The following BCAP29 variants were observed in gnomAD, a reference collection of about 807,000 sequenced individuals.
The protein encoded by BCAP29 is B cell receptor associated protein 29, also known as B-cell receptor-associated protein 29.
Under a neutral mutation model 31.8 loss-of-function variants are expected in BCAP29, and 34 were observed. The ratio of observed to expected loss-of-function variants is 1.07; its 90% CI spans 0.81 to 1.42. The LOEUF (loss-of-function observed/expected upper bound fraction) is 1.42. Ranked by LOEUF, BCAP29 falls within the 40% of genes most tolerant of loss-of-function variation. BCAP29 has a pLI of 0.00. For missense variants in BCAP29, 314 were observed against 269.2 expected, an observed-to-expected ratio of 1.17 and a Z score of -1.16; for synonymous variants, 104 against 91.3, an observed-to-expected ratio of 1.14 and a Z score of -0.79.
At chr7:107,589,402 T>C (rs1422230785) in intron 3 of BCAP29, among the ~76,000 whole-genome samples, 3 of 152,158 alleles carry the variant, frequency 2.0e-5, no homozygotes, top group Admixed American at 6.5e-5. Context: ...TGATGGGAGA[T>C]GGTGGCAGAT....
chr7:107,594,807 A>T (rs369735937), intron 4 of BCAP29, among the ~76,000 whole-genome samples: 4 of 151,992 alleles, frequency 2.6e-5, no homozygotes, highest in African/African-American at 9.7e-5. Flanking sequence ...CGGCCTGTAG[A>T]TTTTTTTATA....
intron 2 of BCAP29, among the ~76,000 whole-genome samples, chr7:107,582,390 A>G (rs544987348): frequency 1.0e-3 from 152 of 152,370 alleles, no homozygotes; most frequent in Middle Eastern, 3.4e-3. Flanking sequence ...ATCATTTACA[A>G]TATGTCCTAT....
chr7:107,599,097 TA>T (rs1384486697), intron 5 of BCAP29, among the ~76,000 whole-genome samples: 1 of 133,276 alleles, frequency 7.5e-6, no homozygotes, highest in Non-Finnish European at 1.6e-5. Context: ...TATATGTATA[TA>T]AATATATATT....
chr7:107,602,562 ATT>A (rs199500746), intron 6 of BCAP29, among the ~76,000 whole-genome samples: 2 of 148,338 alleles, frequency 1.3e-5, no homozygotes, highest in Admixed American at 1.3e-4. Context: ...AAAAAAAGCA[ATT>A]TTTTTTTTTA....
downstream of BCAP29, chr7:107,622,190 A>G: frequency 9.6e-6 from 2 of 208,192 alleles, no homozygotes; most frequent in South Asian, 1.5e-4. Flanking sequence ...CTTCTCTCAT[A>G]TACATGCTCT....
At chr7:107,615,167 T>G in intron 7 of BCAP29, 2 of 456,076 alleles carry the variant, frequency 4.4e-6, no homozygotes, top group South Asian at 3.1e-5. Context: ...GTCTCCATTG[T>G]GGTAACAGCC....
At chr7:107,597,801 C>T (rs539027886) in intron 5 of BCAP29, among the ~76,000 whole-genome samples, 185 of 152,316 alleles carry the variant, frequency 1.2e-3, no homozygotes, top group African/African-American at 4.3e-3. Context: ...ACAATTTCCA[C>T]GTGGTACCTA....
Position 107,583,945 on chromosome 7 carries a change from C to T in BCAP29, c.156C>T (p.Phe52=). 1 of 1,583,956 alleles carries T rather than the reference C, an allele frequency of 6.3e-7. No individual in the cohort carries two copies. The highest frequency in any genetic ancestry group is 8.6e-7 in the Non-Finnish European group (1 of 1,163,590). ...TTGCAACTTTTTGGAACAAGGCTTT[C>T]CTTACCATTATCATCCTATTGATTG... The part of the protein sequence containing the change: ...GKIATFWNKA[F]LTIIILLIVL... The change falls in exon 3 of 8, where the codon TTC becomes TTT. Residue 52 remains phenylalanine, a synonymous_variant. Coordinates refer to ENST00000005259, the MANE Select transcript of BCAP29 (RefSeq NM_018844.4).
chr7:107,590,148 A>G (rs983322336), intron 3 of BCAP29, among the ~76,000 whole-genome samples: 1 of 152,220 alleles, frequency 6.6e-6, no homozygotes, highest in African/African-American at 2.4e-5. Flanking sequence ...AGGAAAAATT[A>G]TAGATTTGAA....
chr7:107,597,504 G>A (rs544652136), intron 5 of BCAP29, among the ~76,000 whole-genome samples: 1 of 152,290 alleles, frequency 6.6e-6, no homozygotes, highest in Non-Finnish European at 1.5e-5. Context: ...GGGCCTCAAA[G>A]TTCCTTAGCT....
chr7:107,611,965 C>T (rs1219227664), intron 6 of BCAP29, among the ~76,000 whole-genome samples: 1 of 152,072 alleles, frequency 6.6e-6, no homozygotes, highest in Non-Finnish European at 1.5e-5. Flanking sequence ...ATTGACAACG[C>T]AGATGTAGAA....
chr7:107,583,743 G>A, intron 2 of BCAP29, 139 bp from the exon 3 acceptor site: 1 of 464,114 alleles, frequency 2.2e-6, no homozygotes, highest in Non-Finnish European at 3.8e-6. Flanking sequence ...TGTCATGTCA[G>A]AATTAATAAA....
intron 7 of BCAP29, 179 bp downstream of exon 7, chr7:107,613,611 A>G (rs1813615652): frequency 6.4e-7 from 1 of 1,554,680 alleles, no homozygotes; most frequent in Non-Finnish European, 8.9e-7. Context: ...TTGCAGGAAA[A>G]TACAAGATAA....
intron 6 of BCAP29, 40 bp from the exon 7 acceptor site, chr7:107,613,291 AT>A (rs762238343): frequency 6.8e-7 from 1 of 1,466,952 alleles, no homozygotes; most frequent in South Asian, 1.2e-5. Context: ...TAAATTTGAA[AT>A]TATTCTGAAA....
chr7:107,612,370 C>T, intron 6 of BCAP29, among the ~76,000 whole-genome samples: 1 of 136,786 alleles, frequency 7.3e-6, no homozygotes, highest in South Asian at 2.2e-4. Flanking sequence ...CTCATTAGCA[C>T]CTTCTTCACA....
intron 6 of BCAP29, among the ~76,000 whole-genome samples, chr7:107,610,406 T>G (rs1027659729): frequency 6.6e-6 from 1 of 152,192 alleles, no homozygotes; most frequent in Non-Finnish European, 1.5e-5. Flanking sequence ...CAAAATAATA[T>G]GCCTCAAAAT....
At chr7:107,613,080 T>C (rs577963365) in intron 6 of BCAP29, among the ~76,000 whole-genome samples, 1 of 151,690 alleles carries the variant, frequency 6.6e-6, no homozygotes. Context: ...TTAGATAATA[T>C]TTTGTTTCTG....
intron 6 of BCAP29, among the ~76,000 whole-genome samples, chr7:107,608,693 T>A (rs1251221110): frequency 6.6e-6 from 1 of 152,214 alleles, no homozygotes; most frequent in Non-Finnish European, 1.5e-5. Flanking sequence ...ATCAAAATAT[T>A]TCAAGAATGG....
chr7:107,599,382 T>C (rs1033176388), intron 5 of BCAP29, among the ~76,000 whole-genome samples: 1 of 126,952 alleles, frequency 7.9e-6, no homozygotes, highest in Admixed American at 8.2e-5. Flanking sequence ...TAGCCTGCCA[T>C]GGTGGCACAC....
Sources: gnomAD v4.1 joint callset for allele counts (sites outside exome capture counted in the v4.1 genomes callset) on GRCh38, gnomAD v4.1.1 for gene constraint, MANE v1.5 for transcripts, NCBI Gene and HGNC (gene_info 2026-07-23, HGNC 2026-07-21) for gene names.